The following FGF21 variants were observed in gnomAD, a reference collection of about 807,000 sequenced individuals.
FGF21 encodes fibroblast growth factor 21.
FGF21 carries 13 observed loss-of-function variants against 13.4 expected under a neutral mutation model. That is an observed-to-expected ratio of 0.97 (90% CI 0.63 to 1.54). The LOEUF (loss-of-function observed/expected upper bound fraction) is 1.54, where lower values mean the gene tolerates loss of function less well. FGF21 is among the 40% of genes most tolerant of loss of function. The probability of loss-of-function intolerance (pLI) is 0.00; values close to 1 mark genes in which losing one functional copy is unlikely to be tolerated. For missense variants in FGF21, 303 were observed against 272.4 expected (o/e 1.11, Z -0.79); for synonymous variants, 124 against 123.6 (o/e 1.00, Z -0.02).
rs1379238726 is a variant in FGF21, at chr19:48,755,672, A to G, written c.-459A>G. On this transcript the variant is annotated 5_prime_UTR_variant, in exon 1 of 4. Transcript: ENST00000593756. ...AGTGTCAGATCACGCCCTCCCCCCAAACTTAGAAATTCAGATGGGGCGCAG... is the reference window on the plus strand; with the variant it reads ...AGTGTCAGATCACGCCCTCCCCCCAGACTTAGAAATTCAGATGGGGCGCAG... The G allele has an allele frequency of 1.3e-5, 2 of 152,162 alleles. No individual in the cohort carries two copies. The highest frequency in any genetic ancestry group is 2.9e-5 in the Non-Finnish European group (2 of 68,130). The allele number at this position is 152,162 out of a possible 1,614,324, so 9.4% of individuals were successfully genotyped here. A position where few individuals can be genotyped will look rare whatever the true frequency, so the allele number is the denominator to read the frequency against.
rs2034089074 is a variant in FGF21, at chr19:48,756,204, AC to A, written c.-29del. 1.3e-6 allele frequency: 2 copies of A among 1,582,494 alleles called. No homozygotes were observed. Among genetic ancestry groups the A allele is most frequent in the Non-Finnish European group, 1.7e-6 (2 of 1,155,778 alleles). On this transcript the variant is annotated 5_prime_UTR_variant, in exon 2 of 4. Transcript: ENST00000593756. ...AACCACTCAGCTTCTCCGAGCTCAC[AC>A]CCCGGAGATCACCTGAGGACCCGAG... is the stretch of plus-strand genomic sequence containing the variant.
In FGF21 at chr19:48,756,219, T is replaced by G. The variant is rs769159738; in HGVS notation, c.-18T>G. ...CCGAGCTCACACCCCGGAGATCACC[T>G]GAGGACCCGAGCCATTGATGGACTC... On this transcript the variant is annotated 5_prime_UTR_variant, in exon 2 of 4. Transcript: ENST00000593756. 100 of 1,606,524 alleles carry G rather than the reference T, an allele frequency of 6.2e-5. No individual in the cohort carries two copies. The highest frequency in any genetic ancestry group is 4.9e-4 in the Admixed American group (29 of 59,790).
At position 48,757,422 on chromosome 19, in the gene FGF21, C is replaced by T. The variant is rs1043446501; in HGVS notation, c.339+393C>T. Among the ~76,000 whole-genome samples, 8 of 152,212 alleles carry T rather than the reference C, an allele frequency of 5.3e-5. No homozygotes were observed. The South Asian group carries it at 8.3e-4, about 16-fold the overall frequency. On this transcript the variant is annotated intron_variant, in intron 3 of 3. Coordinates refer to ENST00000593756, the MANE Select transcript of FGF21 (RefSeq NM_019113.4). Reference sequence around the variant, plus strand: ...AGGACCTTGAGTGCTAGGGAGACACCCCGCCTGGCCTGAGAGAGCACTGAT... The same window carrying T: ...AGGACCTTGAGTGCTAGGGAGACACTCCGCCTGGCCTGAGAGAGCACTGAT...
At chr19:48,757,453 C>T (rs2034124514) in intron 3 of FGF21, among the ~76,000 whole-genome samples, 3 of 152,206 alleles carry the variant, frequency 2.0e-5, no homozygotes, top group South Asian at 2.1e-4. Context: ...CTGATGGCTC[C>T]GAGGGCTGGA....
At position 48,756,268 on chromosome 19, in the gene FGF21, C is replaced by G; in HGVS notation, c.32C>G (p.Ser11Ter). 6.2e-7 allele frequency: 1 copy of G among 1,614,104 alleles called. No homozygotes were observed. Among genetic ancestry groups the G allele is most frequent in the Non-Finnish European group, 8.5e-7 (1 of 1,180,014 alleles). The change falls in exon 2 of 4, where the codon TCA becomes TGA. Residue 11 changes from serine to a stop codon, truncating the protein, a stop_gained. Transcript: ENST00000593756. LOFTEE classifies it high-confidence loss of function. MDSDETGFEH[S>*]GLWVSVLAGL... ...TCGGACGAGACCGGGTTCGAGCACT[C>G]AGGACTGTGGGTTTCTGTGCTGGCT...
At chr19:48,757,781 A>G (rs1688263) in intron 3 of FGF21, 149 bp from the exon 4 acceptor site, 211,076 of 612,794 alleles carry the variant, frequency 0.34, 38,847 homozygotes, top group East Asian at 0.58. Context: ...ATGGAGGAGA[A>G]ACTAGGGTCT....
chr19:48,756,448 G>C lies in FGF21; in HGVS notation c.212G>C (p.Gly71Ala), dbSNP rs756202748. The C allele has an allele frequency of 6.2e-7, 1 of 1,613,244 alleles. No individual in the cohort carries two copies. Among genetic ancestry groups the C allele is most frequent in the Admixed American group, 1.7e-5 (1 of 59,964 alleles). Residue 71 changes from glycine (G) to alanine (A), a missense_variant, in exon 2 of 4, where the codon GGC becomes GCC. Transcript: ENST00000593756. ...ATCAGGGAGGATGGGACGGTGGGGG[G>C]CGCTGCTGACCAGAGCCCCGAAAGT... ...LEIREDGTVG[G>A]AADQSPESLL... is the part of the protein sequence containing the mutation.
At position 48,757,009 on chromosome 19, in the gene FGF21, G is replaced by GGACCTGT; in HGVS notation, c.319_320insGACCTGT (p.Asp107GlyfsTer13). ...ATCCAGGTTCCTGTGCCAGCGGCCA[G>GGACCTGT]ATGGGGCCCTGTATGGATCGGTGAG... On this transcript the variant is annotated frameshift_variant, in exon 3 of 4. Coordinates refer to ENST00000593756, the MANE Select transcript of FGF21 (RefSeq NM_019113.4). LOFTEE classifies it low-confidence loss of function (END_TRUNC). 6.2e-7 allele frequency: 1 copy of GGACCTGT among 1,614,042 alleles called. No individual in the cohort carries two copies. Among genetic ancestry groups the GGACCTGT allele is most frequent in the Non-Finnish European group, 8.5e-7 (1 of 1,179,912 alleles).
intron 3 of FGF21, among the ~76,000 whole-genome samples, chr19:48,757,610 T>C (rs2034128061): frequency 8.5e-6 from 1 of 117,260 alleles, no homozygotes; most frequent in Non-Finnish European, 1.8e-5. Context: ...GCTGGGGGCC[T>C]GGACCCCTGG....
Position 48,758,323 on chromosome 19 carries a change from G to C in FGF21, c.*103G>C. ...CTTGAGATAATAAAGAGTTCCAGAG[G>C]AGGATAAGAATGAGCATGTGTGAGT... On this transcript the variant is annotated 3_prime_UTR_variant, in exon 4 of 4. Transcript: ENST00000593756. The C allele has an allele frequency of 8.5e-7, 1 of 1,171,398 alleles. No individual in the cohort carries two copies. The highest frequency in any genetic ancestry group is 1.2e-6 in the Non-Finnish European group (1 of 860,852). 72.6% of individuals were successfully genotyped at this position (1,171,398 alleles called of 1,614,324 possible).
chr19:48,756,556 C>A, intron 2 of FGF21, 85 bp downstream of exon 2: 1 of 1,330,848 alleles, frequency 7.5e-7, no homozygotes, highest in East Asian at 2.6e-5. Context: ...GGCTGGGGGC[C>A]TTGGCCCCTG....
At chr19:48,756,508 G>C in intron 2 of FGF21, 37 bp downstream of exon 2, 1 of 1,580,846 alleles carries the variant, frequency 6.3e-7, no homozygotes. Flanking sequence ...GAGGGAGGAG[G>C]GGCTGTGGGT....
rs779125265 is a variant in FGF21 at position 48,756,456 on chromosome 19, G to A, written c.220G>A (p.Asp74Asn). The change falls in exon 2 of 4, where the codon GAC becomes AAC. Residue 74 changes from aspartate to asparagine, a missense_variant. Transcript: ENST00000593756. ...GGATGGGACGGTGGGGGGCGCTGCT[G>A]ACCAGAGCCCCGAAAGTGAGTGTGG... ...REDGTVGGAA[D>N]QSPESLLQLK... 2.5e-6 allele frequency: 4 copies of A among 1,612,724 alleles called. No individual in the cohort carries two copies. The African/African-American group carries it at 5.3e-5, about 22-fold the overall frequency.
intron 2 of FGF21, among the ~76,000 whole-genome samples, chr19:48,756,724 G>T (rs1163364604): frequency 6.6e-6 from 1 of 151,842 alleles, no homozygotes; most frequent in Non-Finnish European, 1.5e-5. Flanking sequence ...GTTTGAAGGA[G>T]GAAGGGCTGG....
Position 48,758,185 on chromosome 19 carries a change from C to T in FGF21, c.595C>T (p.Pro199Ser), listed in dbSNP as rs1375217582. ...GSSDPLSMVGPSQGRSPSYAS is the reference protein window; with the variant it reads ...GSSDPLSMVGSSQGRSPSYAS ...CTCGGACCCTCTGAGCATGGTGGGA[C>T]CTTCCCAGGGCCGAAGCCCCAGCTA... Residue 199 changes from proline (P) to serine (S), a missense_variant, in exon 4 of 4, where the codon CCT becomes TCT. Physicochemically the swap from Pro to Ser is moderately conservative, Grantham distance 74. Transcript: ENST00000593756. 1 of 1,612,458 alleles carries T rather than the reference C, an allele frequency of 6.2e-7. No homozygotes were observed. The highest frequency in any genetic ancestry group is 8.5e-7 in the Non-Finnish European group (1 of 1,179,714).
At position 48,757,885 on chromosome 19, in the gene FGF21, G is replaced by A. The variant is rs73585716; in HGVS notation, c.340-45G>A. 2,414 of 1,506,560 alleles carry A rather than the reference G, an allele frequency of 1.6e-3. 33 individuals carry two copies. The African/African-American group carries it at 0.026, about 16-fold the overall frequency. The allele number at this position is 1,506,560 out of a possible 1,614,324, so 93.3% of individuals were successfully genotyped here. Reference sequence around the variant, plus strand: ...GGCCTGGATCCTGGGTCTTACATCAGGAAAACAGAGGAACCCTGTCTCTGA... The same window carrying A: ...GGCCTGGATCCTGGGTCTTACATCAAGAAAACAGAGGAACCCTGTCTCTGA... On this transcript the variant is annotated intron_variant, in intron 3 of 3. Coordinates refer to ENST00000593756, the MANE Select transcript of FGF21 (RefSeq NM_019113.4).
At chr19:48,757,576 A>G (rs1169941654) in intron 3 of FGF21, among the ~76,000 whole-genome samples, 1 of 140,400 alleles carries the variant, frequency 7.1e-6, no homozygotes, top group Non-Finnish European at 1.5e-5. Context: ...GGGGGCCTGG[A>G]CTCCTGGGTC....
chr19:48,758,201 G>A lies in FGF21; in HGVS notation c.611G>A (p.Ser204Asn), dbSNP rs1369877615. 6.2e-7 allele frequency: 1 copy of A among 1,609,402 alleles called. No homozygotes were observed. Among genetic ancestry groups the A allele is most frequent in the South Asian group, 1.1e-5 (1 of 90,658 alleles). The change falls in exon 4 of 4, where the codon AGC becomes AAC. Residue 204 changes from serine (S) to asparagine (N), a missense_variant. Transcript: ENST00000593756. ...LSMVGPSQGR[S>N]PSYAS ...ATGGTGGGACCTTCCCAGGGCCGAA[G>A]CCCCAGCTACGCTTCCTGAAGCCAG... is the stretch of plus-strand genomic sequence containing the variant.
At chr19:48,756,799 G>C (rs2034110085) in intron 2 of FGF21, 127 bp from the exon 3 acceptor site, 1 of 780,784 alleles carries the variant, frequency 1.3e-6, no homozygotes, top group African/African-American at 1.7e-5. Flanking sequence ...GGGTCTGAGG[G>C]AGGAGGTAGG....
Sources: allele counts gnomAD v4.1 joint callset (sites outside exome capture counted in the v4.1 genomes callset), GRCh38; gene constraint gnomAD v4.1.1; transcripts MANE v1.5; gene names NCBI Gene and HGNC (gene_info 2026-07-23, HGNC 2026-07-21).